Variants in MAEA observed in about 807,000 individuals in gnomAD.
MAEA encodes E3 ubiquitin-protein transferase MAEA.
Under a neutral mutation model 46.2 loss-of-function variants are expected in MAEA, and 22 were observed. The observed-to-expected ratio is 0.48, with a 90% confidence interval of 0.34 to 0.68. The LOEUF (loss-of-function observed/expected upper bound fraction) is 0.68. MAEA is among the 30% of genes least tolerant of loss of function. The probability of loss-of-function intolerance (pLI) is 0.01; values close to 1 mark genes in which losing one functional copy is unlikely to be tolerated. For missense variants in MAEA, 393 were observed against 558.1 expected, an observed-to-expected ratio of 0.70 and a Z score of 2.98; for synonymous variants, 246 against 222.6, an observed-to-expected ratio of 1.11 and a Z score of -0.94.
intron 1 of MAEA, among the ~76,000 whole-genome samples, chr4:1,298,495 T>TG (rs1735003170): frequency 6.6e-6 from 1 of 152,188 alleles, no homozygotes; most frequent in Non-Finnish European, 1.5e-5. Context: ...AGCCCTGCCT[T>TG]GGGGTCTCTG....
intron 6 of MAEA, among the ~76,000 whole-genome samples, chr4:1,333,445 A>G (rs1577235436): frequency 6.6e-6 from 1 of 151,910 alleles, no homozygotes; most frequent in Admixed American, 6.6e-5. Context: ...TCCTTTCTCT[A>G]CAGCCCCTGA....
At position 1,292,831 on chromosome 4, in the gene MAEA, T is replaced by C. The variant is rs765705278; in HGVS notation, c.69+2849T>C. Among the ~76,000 whole-genome samples the C allele has an allele frequency of 1.2e-3, 175 of 151,544 alleles. 2 individuals carry two copies. The highest frequency in any genetic ancestry group is 3.9e-4 in the East Asian group (2 of 5,156). On this transcript the variant is annotated intron_variant, in intron 1 of 8. Transcript: ENST00000303400. ...GTCAAATGCTGTGAACGCCGTCCGG[T>C]GTAGGGTGGTGGGTAATGCCTTGTG... is the stretch of plus-strand genomic sequence containing the variant.
chr4:1,338,590 G>A lies in MAEA; in HGVS notation c.1068G>A (p.Leu356=). 6.2e-7 allele frequency: 1 copy of A among 1,612,268 alleles called. No individual in the cohort carries two copies. The change falls in exon 8 of 9, where the codon CTG becomes CTA. Residue 356 remains leucine (L), a synonymous_variant. Transcript: ENST00000303400. ...ACGAGAACAATCCGCCCATGATGCT[G>A]CCCAACGGCTACGTCTACGGCTACA... ...VMNENNPPMM[L]PNGYVYGYNS... is the part of the protein sequence containing the mutation.
chr4:1,313,761 T>G lies in MAEA; in HGVS notation c.252+1600T>G, dbSNP rs1046893848. Among the ~76,000 whole-genome samples, 9 of 150,874 alleles carry G rather than the reference T, an allele frequency of 6.0e-5. 1 individual carries two copies. Among genetic ancestry groups the G allele is most frequent in the Middle Eastern group, 6.9e-3 (2 of 290 alleles). On this transcript the variant is annotated intron_variant, in intron 2 of 8. Coordinates refer to ENST00000303400, the MANE Select transcript of MAEA (RefSeq NM_001017405.3). ...GAAAGTCTCTGCAGGGAACAGACAG[T>G]ATAAAAAGTGATTTAAGGCTGGACA...
rs368069067 is a variant in MAEA, at chr4:1,297,454, C to CGTGTGTGTGTGTGTGTGTGTGTGT, written c.69+7475_69+7476insTGTGTGTGTGTGTGTGTGTGTGTG. Among the ~76,000 whole-genome samples, 282 of 150,598 alleles carry CGTGTGTGTGTGTGTGTGTGTGTGT rather than the reference C, an allele frequency of 1.9e-3. 7 individuals are homozygous for CGTGTGTGTGTGTGTGTGTGTGTGT. Among genetic ancestry groups the CGTGTGTGTGTGTGTGTGTGTGTGT allele is most frequent in the African/African-American group, 6.9e-3 (277 of 40,164 alleles). ...AGCTTTGGAGGAGCCTGAAAAAGTA[C>CGTGTGTGTGTGTGTGTGTGTGTGT]GTGCGTATGTGTGTGTGTATACATA... On this transcript the variant is annotated intron_variant, in intron 1 of 8. Coordinates refer to ENST00000303400, the MANE Select transcript of MAEA (RefSeq NM_001017405.3).
At chr4:1,295,164 A>C (rs1388753833) in intron 1 of MAEA, among the ~76,000 whole-genome samples, 3 of 152,096 alleles carry the variant, frequency 2.0e-5, no homozygotes, top group Non-Finnish European at 4.4e-5. Flanking sequence ...CCCCGTCTGC[A>C]GAGAGGCTGT....
intron 3 of MAEA, among the ~76,000 whole-genome samples, chr4:1,317,006 C>A (rs1178078270): frequency 2.1e-4 from 30 of 139,692 alleles, no homozygotes; most frequent in African/African-American, 3.4e-4. Flanking sequence ...CAGGCCCACC[C>A]CGGCCCCCAC....
At chr4:1,308,165 C>T (rs1389868135) in intron 1 of MAEA, among the ~76,000 whole-genome samples, 3 of 151,908 alleles carry the variant, frequency 2.0e-5, no homozygotes, top group South Asian at 2.1e-4. Context: ...CAAACCTGTA[C>T]AGCATGTCAC....
At chr4:1,304,627 C>T (rs746547182) in intron 1 of MAEA, among the ~76,000 whole-genome samples, 4 of 151,832 alleles carry the variant, frequency 2.6e-5, no homozygotes, top group Non-Finnish European at 5.9e-5. Context: ...ATTTTTAGTA[C>T]AGACGGGGGC....
chr4:1,303,050 C>T (rs73071934), intron 1 of MAEA, among the ~76,000 whole-genome samples: 23,240 of 151,558 alleles, frequency 0.15, 3,429 homozygotes, highest in East Asian at 0.42. Flanking sequence ...GACCTGGCAG[C>T]TCCCCTCCTC....
intron 3 of MAEA, among the ~76,000 whole-genome samples, chr4:1,318,435 G>A (rs1737596222): frequency 1.3e-5 from 2 of 152,332 alleles, no homozygotes; most frequent in South Asian, 2.1e-4. Flanking sequence ...TGATTCTAAG[G>A]CCAGTTGGAG....
Position 1,339,250 on chromosome 4 carries a change from A to T in MAEA, c.*81A>T. 1 of 1,006,340 alleles carries T rather than the reference A, an allele frequency of 9.9e-7. No homozygotes were observed. Among genetic ancestry groups the T allele is most frequent in the Non-Finnish European group, 1.6e-6 (1 of 634,604 alleles). The allele number at this position is 1,006,340 out of a possible 1,614,324, so 62.3% of individuals were successfully genotyped here. ...ACGCCTTCCTCCTGTCCCACGCTCC[A>T]GCCTGCCGCGGCGTTTCTGTTTCTT... On this transcript the variant is annotated 3_prime_UTR_variant, in exon 9 of 9. Transcript: ENST00000303400.
chr4:1,300,086 A>G (rs573266934), intron 1 of MAEA: 1 of 152,524 alleles, frequency 6.6e-6, no homozygotes, highest in East Asian at 1.9e-4. Flanking sequence ...CAGTAAGTGC[A>G]CGAAACCCAG....
intron 6 of MAEA, among the ~76,000 whole-genome samples, chr4:1,333,932 TCCC>T (rs1712272374): frequency 6.1e-5 from 1 of 16,296 alleles, no homozygotes; most frequent in Non-Finnish European, 1.2e-4. Context: ...CCATGCCCAC[TCCC>T]GTGCCCATGT....
chr4:1,312,447 T>TTTTTTTTA (rs1736633476), intron 2 of MAEA: 1 of 387,944 alleles, frequency 2.6e-6, no homozygotes, highest in African/African-American at 2.2e-5. Context: ...TTTTTTTTTT[T>TTTTTTTTA]GAGACAGAGT....
At chr4:1,302,553 C>T (rs930749235) in intron 1 of MAEA, among the ~76,000 whole-genome samples, 2 of 152,238 alleles carry the variant, frequency 1.3e-5, no homozygotes, top group Non-Finnish European at 2.9e-5. Flanking sequence ...CATCTCGGCT[C>T]ACTGCAAGCT....
intron 4 of MAEA, among the ~76,000 whole-genome samples, chr4:1,323,247 G>A (rs937441223): frequency 1.3e-5 from 2 of 152,044 alleles, no homozygotes; most frequent in African/African-American, 4.8e-5. Flanking sequence ...GCCCGGCCGA[G>A]TACCGACTTT....
chr4:1,317,389 C>T (rs1028382183), intron 3 of MAEA, among the ~76,000 whole-genome samples: 5 of 151,476 alleles, frequency 3.3e-5, no homozygotes, highest in South Asian at 2.1e-4. Context: ...CCCCACACTC[C>T]GGACTCACCC....
chr4:1,313,779 G>A (rs554572472), intron 2 of MAEA, among the ~76,000 whole-genome samples: 2 of 152,114 alleles, frequency 1.3e-5, no homozygotes, highest in Admixed American at 1.3e-4. Flanking sequence ...GTGATTTAAG[G>A]CTGGACACTG....
Sources: allele counts gnomAD v4.1 joint callset (sites outside exome capture counted in the v4.1 genomes callset), GRCh38; gene constraint gnomAD v4.1.1; transcripts MANE v1.5; gene names NCBI Gene and HGNC (gene_info 2026-07-23, HGNC 2026-07-21).